The following PDE8B variants were observed in gnomAD, a reference collection of about 807,000 sequenced individuals.
PDE8B encodes the protein high affinity cAMP-specific and IBMX-insensitive 3',5'-cyclic phosphodiesterase 8B.
A neutral mutation model predicts 101.3 loss-of-function variants in PDE8B; 26 were observed. The observed-to-expected ratio is 0.26, with a 90% CI of 0.19 to 0.36. PDE8B has a LOEUF of 0.36. Ranked by LOEUF, PDE8B falls within the 10% of genes least tolerant of loss-of-function variation. The pLI, the probability that PDE8B is intolerant of heterozygous loss-of-function variation, is 1.00. For missense variants in PDE8B, 810 were observed against 1,163.1 expected, an observed-to-expected ratio of 0.70 and a Z score of 4.42; for synonymous variants, 424 against 429.3, an observed-to-expected ratio of 0.99 and a Z score of 0.15.
chr5:77,367,164 C>G (rs768355292), intron 10 of PDE8B, among the ~76,000 whole-genome samples: 16,637 of 150,640 alleles, frequency 0.11, 1,653 homozygotes, highest in African/African-American at 0.27. Flanking sequence ...AACACACACA[C>G]ACACACACAC....
chr5:77,116,160 T>C, the PDE8B span, among the ~76,000 whole-genome samples: 1,644 of 149,788 alleles, frequency 0.011, 34 homozygotes, highest in African/African-American at 0.038. Context: ...TCCAGGAAGA[T>C]AGCAGTTTCC....
chr5:77,269,972 C>G (rs570221433), intron 1 of PDE8B, among the ~76,000 whole-genome samples: 3 of 152,156 alleles, frequency 2.0e-5, no homozygotes, highest in African/African-American at 7.2e-5. Context: ...TGTGATTCCA[C>G]TTAAATTTTA....
chr5:77,199,698 G>A, the PDE8B span, among the ~76,000 whole-genome samples: 1 of 152,120 alleles, frequency 6.6e-6, no homozygotes, highest in South Asian at 2.1e-4. Flanking sequence ...ACCTAGCCAA[G>A]CCAGGTGGGT....
intron 1 of PDE8B, among the ~76,000 whole-genome samples, chr5:77,232,351 C>T (rs1458951856): frequency 6.6e-6 from 1 of 152,182 alleles, no homozygotes; most frequent in African/African-American, 2.4e-5. Flanking sequence ...ACAGAGAGGG[C>T]CACACTGTCT....
intron 1 of PDE8B, among the ~76,000 whole-genome samples, chr5:77,224,488 G>A (rs1048097271): frequency 4.6e-5 from 7 of 151,958 alleles, no homozygotes; most frequent in East Asian, 1.9e-4. Context: ...CCATACTTTG[G>A]GATTCTTTTA....
At chr5:77,287,384 A>G (rs943065027) in intron 1 of PDE8B, among the ~76,000 whole-genome samples, 2 of 150,824 alleles carry the variant, frequency 1.3e-5, no homozygotes, top group African/African-American at 4.9e-5. Flanking sequence ...AACGTTTTTC[A>G]CCTATATTTT....
chr5:77,291,562 T>C, intron 1 of PDE8B: 8 of 1,599,988 alleles, frequency 5.0e-6, no homozygotes, highest in Non-Finnish European at 6.8e-6. Context: ...AGTAGCAACT[T>C]TACCAAAGAT....
chr5:77,199,968 TA>T, the PDE8B span, among the ~76,000 whole-genome samples: 13 of 152,242 alleles, frequency 8.5e-5, no homozygotes, highest in Admixed American at 7.2e-4. Flanking sequence ...CCTAGAACTT[TA>T]TTTATTGTTC....
chr5:77,389,401 C>T (rs1227458958), intron 10 of PDE8B, among the ~76,000 whole-genome samples: 1 of 152,192 alleles, frequency 6.6e-6, no homozygotes, highest in African/African-American at 2.4e-5. Flanking sequence ...GGGCTGCACC[C>T]ACTGCCCAAC....
At chr5:77,300,623 A>G (rs924227635) in intron 1 of PDE8B, among the ~76,000 whole-genome samples, 1 of 152,174 alleles carries the variant, frequency 6.6e-6, no homozygotes, top group Non-Finnish European at 1.5e-5. Context: ...GATGTAAAAC[A>G]TAGTGGCCCC....
chr5:77,397,387 G>A (rs1245364348), intron 10 of PDE8B, among the ~76,000 whole-genome samples: 1 of 151,974 alleles, frequency 6.6e-6, no homozygotes, highest in Non-Finnish European at 1.5e-5. Context: ...TGGTAATGAT[G>A]TATCACATAT....
At chr5:77,113,133 C>G in the PDE8B span, 1 of 152,316 alleles carries the variant, frequency 6.6e-6, no homozygotes, top group African/African-American at 2.4e-5. Flanking sequence ...CCCCATCAAA[C>G]CACCACTGAC....
intron 1 of PDE8B, among the ~76,000 whole-genome samples, chr5:77,288,147 A>G (rs1453250723): frequency 1.3e-5 from 2 of 152,200 alleles, no homozygotes; most frequent in African/African-American, 4.8e-5. Flanking sequence ...ATTTCGTCCT[A>G]TGTGAAGGCT....
intron 10 of PDE8B, among the ~76,000 whole-genome samples, chr5:77,354,565 CA>C (rs1781743113): frequency 6.6e-6 from 1 of 152,202 alleles, no homozygotes; most frequent in Admixed American, 6.5e-5. Flanking sequence ...AAGAGAGGGA[CA>C]GGACACCTGG....
intron 1 of PDE8B, among the ~76,000 whole-genome samples, chr5:77,215,022 A>G (rs560627268): frequency 2.0e-5 from 3 of 152,306 alleles, no homozygotes; most frequent in South Asian, 4.2e-4. Flanking sequence ...GGTACTGGTC[A>G]TAGCACTGCT....
chr5:77,191,048 G>A, the PDE8B span, among the ~76,000 whole-genome samples: 1 of 152,118 alleles, frequency 6.6e-6, no homozygotes, highest in African/African-American at 2.4e-5. Flanking sequence ...CTTCCCAGCT[G>A]GCACACAGCC....
the PDE8B span, among the ~76,000 whole-genome samples, chr5:77,097,720 T>TATATATATAG: frequency 2.4e-5 from 1 of 41,898 alleles, no homozygotes; most frequent in Admixed American, 4.2e-4. Flanking sequence ...TATATATATA[T>TATATATATAG]ATATATATAT....
At chr5:77,417,818 T>C (rs875214) in intron 17 of PDE8B, among the ~76,000 whole-genome samples, 18,800 of 152,168 alleles carry the variant, frequency 0.12, 1,496 homozygotes, top group East Asian at 0.38. Flanking sequence ...ATTGTATGAA[T>C]AGTTTTGTTG....
chr5:77,213,191 A>G (rs1748873743), intron 1 of PDE8B, among the ~76,000 whole-genome samples: 1 of 152,264 alleles, frequency 6.6e-6, no homozygotes, highest in Admixed American at 6.5e-5. Context: ...TGGCTTAAGT[A>G]TTAAAAGGCT....
Sources: gnomAD v4.1 joint callset for allele counts (sites outside exome capture counted in the v4.1 genomes callset) on GRCh38, gnomAD v4.1.1 for gene constraint, MANE v1.5 for transcripts, NCBI Gene and HGNC (gene_info 2026-07-23, HGNC 2026-07-21) for gene names.